ZHX2: variants seen among roughly 807,000 people sequenced by gnomAD.
ZHX2 encodes the protein zinc fingers and homeoboxes 2.
Under a neutral mutation model 21.9 loss-of-function variants are expected in ZHX2, and 6 were observed. That is an observed-to-expected ratio of 0.27 (90% confidence interval 0.15 to 0.54). The LOEUF (loss-of-function observed/expected upper bound fraction) is 0.54, where lower values mean the gene tolerates loss of function less well. ZHX2 is among the 20% of genes least tolerant of loss of function. The probability of loss-of-function intolerance (pLI) is 0.95; values close to 1 mark genes in which losing one functional copy is unlikely to be tolerated. For synonymous variants in ZHX2, 434 were observed against 437.1 expected, an observed-to-expected ratio of 0.99 and a Z score of 0.09; for missense variants, 908 against 1,090.7, an observed-to-expected ratio of 0.83 and a Z score of 2.36.
intron 1 of ZHX2, among the ~76,000 whole-genome samples, chr8:122,809,895 C>T (rs1411248672): frequency 6.6e-5 from 10 of 152,022 alleles, no homozygotes; most frequent in Admixed American, 6.5e-4. Flanking sequence ...TTAGAGAGGT[C>T]TCTATGAGTT....
At chr8:122,908,890 T>C (rs553880390) in intron 2 of ZHX2, among the ~76,000 whole-genome samples, 180 of 152,280 alleles carry the variant, frequency 1.2e-3, no homozygotes, top group African/African-American at 4.1e-3. Context: ...CTGAGCTCCA[T>C]GGGCAGCTGG....
intron 2 of ZHX2, among the ~76,000 whole-genome samples, chr8:122,902,439 T>G (rs185544607): frequency 1.9e-4 from 29 of 152,360 alleles, no homozygotes; most frequent in Middle Eastern, 3.4e-3. Context: ...TTTCCTCAGC[T>G]GTACATTGGG....
At chr8:122,831,853 G>T (rs765263392) in intron 1 of ZHX2, among the ~76,000 whole-genome samples, 65 of 152,302 alleles carry the variant, frequency 4.3e-4, no homozygotes, top group Admixed American at 7.2e-4. Context: ...AATATATGTT[G>T]ATCTGTTGTC....
intron 1 of ZHX2, among the ~76,000 whole-genome samples, chr8:122,809,443 T>C (rs1817882517): frequency 6.6e-6 from 1 of 151,478 alleles, no homozygotes; most frequent in African/African-American, 2.4e-5. Flanking sequence ...GAGGTTGCAG[T>C]GAGCTGAGGT....
At position 122,793,489 on chromosome 8, in the gene ZHX2, T is replaced by C. The variant is rs148887306; in HGVS notation, c.-283+11543T>C. ...CCAGAGTGCATTGCCGTGCTCCCCA[T>C]ACATGAGAAAACACCTGCTGGATGA... On this transcript the variant is annotated intron_variant, in intron 1 of 3. Coordinates refer to ENST00000314393, the MANE Select transcript of ZHX2 (RefSeq NM_014943.5). Among the ~76,000 whole-genome samples, 1,192 of 152,260 alleles carry C rather than the reference T, an allele frequency of 7.8e-3. 8 individuals carry two copies. Among genetic ancestry groups the C allele is most frequent in the Middle Eastern group, 0.014 (4 of 294 alleles).
intron 2 of ZHX2, among the ~76,000 whole-genome samples, chr8:122,930,263 T>C (rs148046454): frequency 9.9e-5 from 15 of 152,162 alleles, no homozygotes; most frequent in South Asian, 8.3e-4. Context: ...ACCGCGGTCA[T>C]TACTGGTGCA....
rs146212846 is a variant in ZHX2, at chr8:122,950,236, T to G, written c.-219-1056T>G. On this transcript the variant is annotated intron_variant, in intron 2 of 3. Transcript: ENST00000314393. ...AAATAAATTTCCAACAAAAGTCCAA[T>G]TGCTGTAAAAAAAAGAATGAGTTTA... is the stretch of plus-strand genomic sequence containing the variant. 3.1e-3 allele frequency among the ~76,000 whole-genome samples: 472 copies of G among 152,264 alleles called. 1 individual carries two copies. The highest frequency in any genetic ancestry group is 0.01 in the African/African-American group (417 of 41,560).
chr8:122,820,369 A>T (rs1818118187), intron 1 of ZHX2, among the ~76,000 whole-genome samples: 1 of 152,168 alleles, frequency 6.6e-6, no homozygotes, highest in Non-Finnish European at 1.5e-5. Context: ...AGAAGCCCAT[A>T]TATAGAGCCT....
At chr8:122,890,440 G>C (rs971792519) in intron 2 of ZHX2, among the ~76,000 whole-genome samples, 1 of 151,990 alleles carries the variant, frequency 6.6e-6, no homozygotes, top group African/African-American at 2.4e-5. Context: ...TTTGCTACAT[G>C]GGGTCTTTTG....
At chr8:122,783,532 A>G (rs1817334957) in intron 1 of ZHX2, among the ~76,000 whole-genome samples, 1 of 152,196 alleles carries the variant, frequency 6.6e-6, no homozygotes, top group Non-Finnish European at 1.5e-5. Flanking sequence ...TATATATGGC[A>G]GAAATTAATG....
chr8:122,830,128 G>A (rs1336203857), intron 1 of ZHX2, among the ~76,000 whole-genome samples: 2 of 152,202 alleles, frequency 1.3e-5, no homozygotes, highest in African/African-American at 4.8e-5. Context: ...GCAACTTGCT[G>A]TTTTAATGAG....
Position 122,952,008 on chromosome 8 carries a change from C to T in ZHX2, c.498C>T (p.Thr166=). ...CCACCAACCATGTCGTGTCCATCAC[C>T]ACCAGTGGCCCTGGAACTGGTGACA... ...IETTNHVVSI[T]TSGPGTGDSD... The change falls in exon 3 of 4, where the codon ACC becomes ACT. Residue 166 remains threonine, a synonymous_variant. Coordinates refer to ENST00000314393, the MANE Select transcript of ZHX2 (RefSeq NM_014943.5). This position sits in a 1 kb window ranked among gnomAD's most constrained non-coding sequence, Gnocchi z 6.9. 6.2e-7 allele frequency: 1 copy of T among 1,613,850 alleles called. No homozygotes were observed. The highest frequency in any genetic ancestry group is 8.5e-7 in the Non-Finnish European group (1 of 1,180,008).
intron 2 of ZHX2, among the ~76,000 whole-genome samples, chr8:122,871,781 T>A (rs1364408287): frequency 6.7e-6 from 1 of 148,626 alleles, no homozygotes; most frequent in East Asian, 2.0e-4. Flanking sequence ...CTCCTAAGTG[T>A]GAGTTTCCAT....
intron 2 of ZHX2, among the ~76,000 whole-genome samples, chr8:122,914,214 G>T (rs1453493285): frequency 6.6e-6 from 1 of 152,248 alleles, no homozygotes; most frequent in Non-Finnish European, 1.5e-5. Context: ...GGGAGCAGCT[G>T]CTCTCATCCT....
At chr8:122,949,673 T>A (rs938819417) in intron 2 of ZHX2, among the ~76,000 whole-genome samples, 1 of 152,106 alleles carries the variant, frequency 6.6e-6, no homozygotes, top group African/African-American at 2.4e-5. Context: ...GCAAAACCCC[T>A]GGACAACATG....
At chr8:122,856,217 C>G (rs987119889) in intron 1 of ZHX2, among the ~76,000 whole-genome samples, 2 of 152,220 alleles carry the variant, frequency 1.3e-5, no homozygotes, top group African/African-American at 2.4e-5. Context: ...CTGTCAGTCT[C>G]TAACCAAGAA....
chr8:122,924,996 G>A (rs1413008660), intron 2 of ZHX2, among the ~76,000 whole-genome samples: 3 of 152,096 alleles, frequency 2.0e-5, no homozygotes, highest in African/African-American at 7.2e-5. Context: ...ATACAGGAGC[G>A]ACTACATACC....
chr8:122,823,586 G>T (rs184374482), intron 1 of ZHX2, among the ~76,000 whole-genome samples: 1 of 152,338 alleles, frequency 6.6e-6, no homozygotes, highest in African/African-American at 2.4e-5. Flanking sequence ...GGACTCTGAA[G>T]ATCCCACTTT....
At chr8:122,958,175 A>G (rs1463244644) in intron 3 of ZHX2, among the ~76,000 whole-genome samples, 1 of 152,170 alleles carries the variant, frequency 6.6e-6, no homozygotes, top group African/African-American at 2.4e-5. Context: ...CTGCAACCAA[A>G]TCTCTCTAAC....
Sources: allele counts gnomAD v4.1 joint callset (sites outside exome capture counted in the v4.1 genomes callset), GRCh38; gene constraint gnomAD v4.1.1; non-coding constraint Gnocchi (gnomAD v3.1); transcripts MANE v1.5; gene names NCBI Gene and HGNC (gene_info 2026-07-23, HGNC 2026-07-21).